PCDHGB6: variants seen among roughly 807,000 people sequenced by gnomAD.
PCDHGB6 encodes the protein protocadherin gamma-B6.
Under a neutral mutation model 59.1 loss-of-function variants are expected in PCDHGB6, and 51 were observed. That is an observed-to-expected ratio of 0.86 (90% confidence interval 0.69 to 1.09). The LOEUF (loss-of-function observed/expected upper bound fraction) is 1.09, where lower values mean the gene tolerates loss of function less well. Among genes scored for constraint, PCDHGB6 ranks in the 50% least tolerant of loss-of-function variants. PCDHGB6 has a pLI of 0.00. For synonymous variants in PCDHGB6, 466 were observed against 495.1 expected (o/e 0.94, Z 0.78); for missense variants, 1,148 against 1,205.1 (o/e 0.95, Z 0.70).
At position 141,477,210 on chromosome 5, in the gene PCDHGB6, C is replaced by G. The variant is rs780852225; in HGVS notation, c.2419-17597C>G. 1.2e-6 allele frequency: 2 copies of G among 1,614,142 alleles called. No individual in the cohort carries two copies. The highest frequency in any genetic ancestry group is 1.7e-6 in the Non-Finnish European group (2 of 1,180,030). On this transcript the variant is annotated intron_variant, in intron 1 of 3. Coordinates refer to ENST00000520790, the MANE Select transcript of PCDHGB6 (RefSeq NM_018926.3). The surrounding 1 kb of genome is among the most constrained non-coding windows in gnomAD (Gnocchi z 4.9). ...GTGTACAGCCCAGTACCCGAGGATG[C>G]CCCTCTGGGGACTGTCATCGCTTTG...
At chr5:141,505,127 A>C (rs926566427) in intron 2 of PCDHGB6, among the ~76,000 whole-genome samples, 1 of 152,158 alleles carries the variant, frequency 6.6e-6, no homozygotes, top group Non-Finnish European at 1.5e-5. Context: ...GCGCCACTGC[A>C]CTCCAGCCTG....
At position 141,511,187 on chromosome 5, in the gene PCDHGB6, C is replaced by T; in HGVS notation, c.*14C>T. The stretch of plus-strand genomic sequence containing the variant: ...GAGAAGAAGTAACATGGAGGCCAGG[C>T]CAAGAGCCACAGGGCGGCCTCTCCC... On this transcript the variant is annotated 3_prime_UTR_variant, in exon 4 of 4. Transcript: ENST00000520790. The T allele has an allele frequency of 1.2e-6, 2 of 1,613,868 alleles. No homozygotes were observed. The highest frequency in any genetic ancestry group is 1.7e-6 in the Non-Finnish European group (2 of 1,179,878).
At chr5:141,451,503 A>G (rs1395798374) in intron 1 of PCDHGB6, among the ~76,000 whole-genome samples, 1 of 152,234 alleles carries the variant, frequency 6.6e-6, no homozygotes, top group African/African-American at 2.4e-5. Flanking sequence ...TAGGGCAACC[A>G]GCTTCTGTTA....
At position 141,489,985 on chromosome 5, in the gene PCDHGB6, G is replaced by C. The variant is rs761481986; in HGVS notation, c.2419-4822G>C. ...AACCTTCCAATCCTCAGTTCTACGT[G>C]TGGGAATCCCAGAGAATGCACCCAT... On this transcript the variant is annotated intron_variant, in intron 1 of 3. Coordinates refer to ENST00000520790, the MANE Select transcript of PCDHGB6 (RefSeq NM_018926.3). This position sits in a 1 kb window ranked among gnomAD's most constrained non-coding sequence, Gnocchi z 4.5. 3 of 1,614,212 alleles carry C rather than the reference G, an allele frequency of 1.9e-6. No individual in the cohort carries two copies. The East Asian group carries it at 6.7e-5, about 36-fold the overall frequency.
At chr5:141,452,046 T>C (rs767493861) in intron 1 of PCDHGB6, among the ~76,000 whole-genome samples, 1 of 152,242 alleles carries the variant, frequency 6.6e-6, no homozygotes, top group Non-Finnish European at 1.5e-5. Context: ...TAACTCCATT[T>C]GTAATAACTT....
chr5:141,489,666 C>A lies in PCDHGB6; in HGVS notation c.2419-5141C>A. On this transcript the variant is annotated intron_variant, in intron 1 of 3. Transcript: ENST00000520790. The surrounding 1 kb of genome is among the most constrained non-coding windows in gnomAD (Gnocchi z 4.5). ...CCACCCCTGAGCGAGAGATGCGCAT[C>A]TCAGAATCAGCAGCATCTGGGGCAC... 1.2e-6 allele frequency: 2 copies of A among 1,614,222 alleles called. No homozygotes were observed. Among genetic ancestry groups the A allele is most frequent in the Non-Finnish European group, 1.7e-6 (2 of 1,180,036 alleles).
At chr5:141,451,107 C>T (rs768308463) in intron 1 of PCDHGB6, among the ~76,000 whole-genome samples, 3 of 152,118 alleles carry the variant, frequency 2.0e-5, no homozygotes, top group Non-Finnish European at 4.4e-5. Flanking sequence ...GGATTACAGG[C>T]GTGAGCCACC....
Position 141,486,445 on chromosome 5 carries a change from G to A in PCDHGB6, c.2419-8362G>A. On this transcript the variant is annotated intron_variant, in intron 1 of 3. Coordinates refer to ENST00000520790, the MANE Select transcript of PCDHGB6 (RefSeq NM_018926.3). The surrounding 1 kb of genome is among the most constrained non-coding windows in gnomAD (Gnocchi z 5.0). ...AGGCCAAATCTAGCTATGACATCAT[G>A]GTCACTGCTTCTGATGCTGGGAACC... 6.2e-7 allele frequency: 1 copy of A among 1,613,948 alleles called. No homozygotes were observed. The highest frequency in any genetic ancestry group is 8.5e-7 in the Non-Finnish European group (1 of 1,179,862).
At chr5:141,415,569 A>G (rs962518094) in intron 1 of PCDHGB6, 12 of 1,614,092 alleles carry the variant, frequency 7.4e-6, no homozygotes, top group Non-Finnish European at 1.0e-5. Flanking sequence ...TGTCTTTGTT[A>G]GATGATTCGA....
chr5:141,422,807 G>C (rs199507728), intron 1 of PCDHGB6: 7 of 1,614,198 alleles, frequency 4.3e-6, no homozygotes, highest in Non-Finnish European at 5.9e-6. Context: ...GAGCAGTTTC[G>C]AGACTTAGAA....
chr5:141,444,893 G>T (rs1238224263), intron 1 of PCDHGB6, among the ~76,000 whole-genome samples: 1 of 152,160 alleles, frequency 6.6e-6, no homozygotes, highest in Admixed American at 6.5e-5. Flanking sequence ...TTTTGAATGG[G>T]ATGGCATTGC....
chr5:141,460,296 C>T (rs1443273958), intron 1 of PCDHGB6, among the ~76,000 whole-genome samples: 1 of 151,924 alleles, frequency 6.6e-6, no homozygotes, highest in Non-Finnish European at 1.5e-5. Context: ...TTCTTATGTC[C>T]TATTCAAAAA....
chr5:141,413,425 C>T, intron 1 of PCDHGB6: 1 of 1,614,098 alleles, frequency 6.2e-7, no homozygotes, highest in Non-Finnish European at 8.5e-7. Flanking sequence ...TCTGAACCCG[C>T]GCAGCGGCAG....
rs1160642304 is a variant in PCDHGB6 at position 141,415,415 on chromosome 5, T to C, written c.2418+4795T>C. 7 of 1,614,084 alleles carry C rather than the reference T, an allele frequency of 4.3e-6. No individual in the cohort carries two copies. In the Admixed American group the frequency reaches 8.3e-5, roughly 19 times the overall value. Reference sequence around the variant, plus strand: ...GTGTCCGGCTCGCACTTTGTGGGCGTGGACGGGGTTCGGGCTTTCCTGCAG... The same window carrying C: ...GTGTCCGGCTCGCACTTTGTGGGCGCGGACGGGGTTCGGGCTTTCCTGCAG... On this transcript the variant is annotated intron_variant, in intron 1 of 3. Coordinates refer to ENST00000520790, the MANE Select transcript of PCDHGB6 (RefSeq NM_018926.3).
Position 141,431,994 on chromosome 5 carries a change from G to A in PCDHGB6, c.2418+21374G>A, listed in dbSNP as rs2097434865. ...TTAGTCACAGACATAGTCTTGGATA[G>A]GGAACAGGTTCCTAGCTACAACATC... On this transcript the variant is annotated intron_variant, in intron 1 of 3. Coordinates refer to ENST00000520790, the MANE Select transcript of PCDHGB6 (RefSeq NM_018926.3). The surrounding 1 kb of genome is among the most constrained non-coding windows in gnomAD (Gnocchi z 4.8). 6.2e-7 allele frequency: 1 copy of A among 1,614,188 alleles called. No homozygotes were observed. Among genetic ancestry groups the A allele is most frequent in the Non-Finnish European group, 8.5e-7 (1 of 1,180,038 alleles).
In PCDHGB6 at chr5:141,491,807, G is replaced by A; in HGVS notation, c.2419-3000G>A. On this transcript the variant is annotated intron_variant, in intron 1 of 3. Transcript: ENST00000520790. The surrounding 1 kb of genome is among the most constrained non-coding windows in gnomAD (Gnocchi z 6.9). ...CATCCACTCCTCTCCGGCCGGCTTG[G>A]TCGCTGGCTGCGCTCCACCCGATTC... is the stretch of plus-strand genomic sequence containing the variant. 1 of 1,491,112 alleles carries A rather than the reference G, an allele frequency of 6.7e-7. No homozygotes were observed. The highest frequency in any genetic ancestry group is 1.4e-5 in the South Asian group (1 of 73,752). The allele number at this position is 1,491,112 out of a possible 1,614,324, so 92.4% of individuals were successfully genotyped here. A position where few individuals can be genotyped will look rare whatever the true frequency, so the allele number is the denominator to read the frequency against.
At chr5:141,508,815 C>T (rs1190983144) in intron 3 of PCDHGB6, among the ~76,000 whole-genome samples, 1 of 152,138 alleles carries the variant, frequency 6.6e-6, no homozygotes, top group East Asian at 1.9e-4. Context: ...TCTTTGAAGC[C>T]AGATCTGGGC....
chr5:141,423,983 C>T, intron 1 of PCDHGB6: 5 of 1,107,052 alleles, frequency 4.5e-6, no homozygotes, highest in Non-Finnish European at 5.6e-6. Context: ...GTATGAGGCT[C>T]TCAATTTATT....
At chr5:141,507,611 A>G (rs2099862056) in intron 3 of PCDHGB6, among the ~76,000 whole-genome samples, 1 of 152,258 alleles carries the variant, frequency 6.6e-6, no homozygotes, top group South Asian at 2.1e-4. Flanking sequence ...AAACAGGTAT[A>G]TTTAGCTGTT....
Sources: gnomAD v4.1 joint callset for allele counts (sites outside exome capture counted in the v4.1 genomes callset) on GRCh38, gnomAD v4.1.1 for gene constraint, Gnocchi (gnomAD v3.1) non-coding constraint, MANE v1.5 for transcripts, NCBI Gene and HGNC (gene_info 2026-07-23, HGNC 2026-07-21) for gene names.